The following FAM78B variants were observed in gnomAD, a reference collection of about 807,000 sequenced individuals.
FAM78B encodes the protein protein FAM78B.
A neutral mutation model predicts 20.0 loss-of-function variants in FAM78B; 10 were observed. The observed-to-expected ratio is 0.50, with a 90% CI of 0.31 to 0.85. FAM78B has a LOEUF of 0.85. FAM78B is among the 40% of genes least tolerant of loss of function. FAM78B has a pLI of 0.05. For missense variants in FAM78B, 283 were observed against 345.0 expected, an observed-to-expected ratio of 0.82 and a Z score of 1.42; for synonymous variants, 135 against 132.8, an observed-to-expected ratio of 1.02 and a Z score of -0.12.
chr1:166,084,289 A>C (rs1443413440), intron 1 of FAM78B, among the ~76,000 whole-genome samples: 2 of 133,636 alleles, frequency 1.5e-5, no homozygotes, highest in Non-Finnish European at 3.3e-5. Context: ...TTTGCATATA[A>C]TTTCATCTGG....
intron 1 of FAM78B, among the ~76,000 whole-genome samples, chr1:166,110,202 A>G (rs1466095747): frequency 2.6e-5 from 4 of 151,600 alleles, no homozygotes; most frequent in Non-Finnish European, 5.9e-5. Context: ...AAATCTCACA[A>G]ATCACCACTT....
intron 1 of FAM78B, among the ~76,000 whole-genome samples, chr1:166,105,920 G>T (rs566716110): frequency 6.6e-6 from 1 of 151,358 alleles, no homozygotes; most frequent in East Asian, 1.9e-4. Context: ...TGTTTATTGC[G>T]GCACTATTCA....
chr1:166,165,874 T>G, intron 1 of FAM78B, 112 bp downstream of exon 1: 3 of 1,305,160 alleles, frequency 2.3e-6, no homozygotes, highest in Non-Finnish European at 3.2e-6. Flanking sequence ...GGGAGGAAGG[T>G]TTAGAAAGAC....
intron 1 of FAM78B, among the ~76,000 whole-genome samples, chr1:166,128,847 G>A (rs77732367): frequency 0.012 from 1,896 of 152,306 alleles, 49 homozygotes; most frequent in African/African-American, 0.043. Flanking sequence ...CAGGGTAGAA[G>A]ATAGATGAGT....
At chr1:166,165,938 A>G (rs756645314) in intron 1 of FAM78B, 48 bp downstream of exon 1, 2 of 1,611,344 alleles carry the variant, frequency 1.2e-6, no homozygotes, top group South Asian at 1.1e-5. Flanking sequence ...TGGCAAGCAG[A>G]GCTGGGGGCC....
chr1:166,065,980 G>C (rs1235837349), downstream of FAM78B, among the ~76,000 whole-genome samples: 1 of 152,180 alleles, frequency 6.6e-6, no homozygotes, highest in East Asian at 1.9e-4. Flanking sequence ...TTGGGAGCTG[G>C]CTCTTGCAAT....
At chr1:166,104,084 G>C (rs1029448050) in intron 1 of FAM78B, among the ~76,000 whole-genome samples, 3 of 151,912 alleles carry the variant, frequency 2.0e-5, no homozygotes, top group African/African-American at 7.3e-5. Context: ...AGCATATAAA[G>C]AGAACCAACA....
At chr1:166,149,132 T>C (rs1170069867) in intron 1 of FAM78B, among the ~76,000 whole-genome samples, 5 of 152,212 alleles carry the variant, frequency 3.3e-5, no homozygotes, top group East Asian at 3.9e-4. Context: ...TATAGCAGCA[T>C]GATTTATAGT....
At chr1:166,126,098 T>A (rs998679158) in intron 1 of FAM78B, among the ~76,000 whole-genome samples, 1 of 152,188 alleles carries the variant, frequency 6.6e-6, no homozygotes. Flanking sequence ...CCTCCCAAAG[T>A]GCTGGGATTA....
chr1:166,129,764 T>A (rs561073536), intron 1 of FAM78B, among the ~76,000 whole-genome samples: 1 of 152,268 alleles, frequency 6.6e-6, no homozygotes, highest in East Asian at 1.9e-4. Context: ...TCATCCTCCC[T>A]TCTCCTACCA....
intron 1 of FAM78B, among the ~76,000 whole-genome samples, chr1:166,141,152 T>G (rs1189510797): frequency 6.6e-6 from 1 of 152,208 alleles, no homozygotes; most frequent in Non-Finnish European, 1.5e-5. Flanking sequence ...CCAGGAAATA[T>G]ATATGAAGTG....
At chr1:166,073,396 A>C (rs1472491918) in intron 1 of FAM78B, among the ~76,000 whole-genome samples, 5 of 152,198 alleles carry the variant, frequency 3.3e-5, no homozygotes, top group Non-Finnish European at 5.9e-5. Context: ...TTACGATTTA[A>C]GTCTAGTGAA....
At chr1:166,070,866 A>C (rs1652000044) in intron 1 of FAM78B, 103 bp from the exon 2 acceptor site, 1 of 1,309,948 alleles carries the variant, frequency 7.6e-7, no homozygotes, top group Admixed American at 2.7e-5. Flanking sequence ...CTTGGGCAAA[A>C]TGGGAAGTTC....
At chr1:166,093,420 C>A (rs535824094) in intron 1 of FAM78B, among the ~76,000 whole-genome samples, 2 of 152,282 alleles carry the variant, frequency 1.3e-5, no homozygotes, top group East Asian at 3.9e-4. Flanking sequence ...AAGAGGCCGA[C>A]AGGGCATTTG....
Position 166,070,049 on chromosome 1 carries a change from G to C in FAM78B, c.*192C>G. On this transcript the variant is annotated 3_prime_UTR_variant, in exon 2 of 2. Coordinates refer to ENST00000354422, the MANE Select transcript of FAM78B (RefSeq NM_001017961.5). ...TCAGTGATTTCTTTATTCCTAAGAGGAAGGGATTTTTCCTAAGGATTATGG... is the reference window on the plus strand; with the variant it reads ...TCAGTGATTTCTTTATTCCTAAGAGCAAGGGATTTTTCCTAAGGATTATGG... 7.9e-7 allele frequency: 1 copy of C among 1,261,818 alleles called. No homozygotes were observed. The highest frequency in any genetic ancestry group is 1.0e-6 in the Non-Finnish European group (1 of 999,836). 78.2% of individuals were successfully genotyped at this position (1,261,818 alleles called of 1,614,324 possible).
At chr1:166,059,494 G>A (rs41269656) in exon 3 of FAM78B, 26,996 of 152,150 alleles carry the variant, frequency 0.18, 2,546 homozygotes, top group Admixed American at 0.26. Context: ...TTTGGGCAGG[G>A]GACCAGGCAT....
intron 1 of FAM78B, chr1:166,087,051 CTATTA>C (rs1401632000): frequency 2.6e-5 from 4 of 151,864 alleles, no homozygotes; most frequent in African/African-American, 9.7e-5. Context: ...TACCGGGCGG[CTATTA>C]TGATTACCAT....
At chr1:166,120,623 G>C (rs556272509) in intron 1 of FAM78B, among the ~76,000 whole-genome samples, 1 of 152,198 alleles carries the variant, frequency 6.6e-6, no homozygotes, top group African/African-American at 2.4e-5. Flanking sequence ...TGGATAACAG[G>C]GGTCCTAAAG....
At chr1:166,092,896 G>A (rs903002084) in intron 1 of FAM78B, among the ~76,000 whole-genome samples, 5 of 152,164 alleles carry the variant, frequency 3.3e-5, no homozygotes, top group Non-Finnish European at 7.3e-5. Context: ...TGTTGGTTAG[G>A]TGGATATGAT....
Sources: allele counts gnomAD v4.1 joint callset (sites outside exome capture counted in the v4.1 genomes callset), GRCh38; gene constraint gnomAD v4.1.1; transcripts MANE v1.5; gene names NCBI Gene and HGNC (gene_info 2026-07-23, HGNC 2026-07-21).